Variants in KLHL13 observed in about 807,000 individuals in gnomAD.
KLHL13 encodes the protein kelch-like protein 13.
A neutral mutation model predicts 37.1 loss-of-function variants in KLHL13; 10 were observed. The observed-to-expected ratio is 0.27, with a 90% CI of 0.17 to 0.46. The LOEUF (loss-of-function observed/expected upper bound fraction) is 0.46. Among genes scored for constraint, KLHL13 ranks in the 20% least tolerant of loss-of-function variants. The pLI is 1.00. For missense variants in KLHL13, 360 were observed against 509.3 expected (o/e 0.71, Z 2.82); for synonymous variants, 163 against 181.2 (o/e 0.90, Z 0.81).
At chrX:118,094,685 T>A (rs1187250203) in intron 1 of KLHL13, among the ~76,000 whole-genome samples, 4 of 110,723 alleles carry the variant, frequency 3.6e-5, no homozygotes, top group Non-Finnish European at 7.6e-5. Context: ...GACTAACAGC[T>A]GATCTCTCAG....
chrX:117,988,841 A>C (rs2053756172), intron 1 of KLHL13, among the ~76,000 whole-genome samples: 1 of 111,963 alleles, frequency 8.9e-6, no homozygotes, highest in African/African-American at 3.2e-5. Flanking sequence ...TCTCATTAGT[A>C]ATTCAAACTA....
At chrX:117,964,922 A>AT (rs2053389926) in intron 1 of KLHL13, among the ~76,000 whole-genome samples, 1 of 111,451 alleles carries the variant, frequency 9.0e-6, no homozygotes, top group Non-Finnish European at 1.9e-5. Flanking sequence ...TGAACTCATC[A>AT]TTTTTTATGG....
At chrX:118,077,079 G>A (rs2054937523) in intron 1 of KLHL13, among the ~76,000 whole-genome samples, 1 of 110,820 alleles carries the variant, frequency 9.0e-6, no homozygotes, top group Non-Finnish European at 1.9e-5. Flanking sequence ...CTCTTGGCTT[G>A]GTGCTTTCTG....
At chrX:118,103,854 G>C (rs1016363152) in intron 1 of KLHL13, among the ~76,000 whole-genome samples, 1 of 107,495 alleles carries the variant, frequency 9.3e-6, no homozygotes, top group Non-Finnish European at 1.9e-5. Context: ...GTCAGTGGCC[G>C]AATTTTTTTT....
chrX:118,062,685 T>C (rs2054754601), intron 1 of KLHL13, among the ~76,000 whole-genome samples: 1 of 110,892 alleles, frequency 9.0e-6, no homozygotes, highest in Admixed American at 9.7e-5. Context: ...ATAATCATGG[T>C]ATTGATTTTG....
intron 1 of KLHL13, among the ~76,000 whole-genome samples, chrX:118,075,907 A>G (rs1024214816): frequency 8.9e-6 from 1 of 111,856 alleles, no homozygotes; most frequent in Admixed American, 9.5e-5. Flanking sequence ...TTTCTGTGTC[A>G]TAAGATATTT....
intron 1 of KLHL13, among the ~76,000 whole-genome samples, chrX:118,038,396 T>C (rs1437619666): frequency 8.9e-6 from 1 of 112,033 alleles, no homozygotes; most frequent in Admixed American, 9.4e-5. Context: ...AAAAAGGCCC[T>C]GAAGATTGTA....
chrX:117,945,863 G>A (rs1342720104), intron 1 of KLHL13: 3 of 193,584 alleles, frequency 1.5e-5, no homozygotes, highest in Non-Finnish European at 2.8e-5. Flanking sequence ...AATTACTGTT[G>A]ATATGTTACT....
chrX:118,003,850 C>T (rs986622135), intron 1 of KLHL13, among the ~76,000 whole-genome samples: 1 of 110,065 alleles, frequency 9.1e-6, no homozygotes, highest in African/African-American at 3.3e-5. Flanking sequence ...ATTAGTGGGA[C>T]CAAGCAAAGT....
At chrX:118,065,254 A>C (rs1256440923) in intron 1 of KLHL13, among the ~76,000 whole-genome samples, 1 of 111,647 alleles carries the variant, frequency 9.0e-6, no homozygotes, top group Non-Finnish European at 1.9e-5. Flanking sequence ...TATACAATGA[A>C]CTTTTTATAA....
At chrX:118,094,222 C>A (rs1272442417) in intron 1 of KLHL13, among the ~76,000 whole-genome samples, 1 of 111,000 alleles carries the variant, frequency 9.0e-6, no homozygotes, top group East Asian at 2.8e-4. Context: ...AAAACCACGG[C>A]ATGAGAAATA....
intron 1 of KLHL13, among the ~76,000 whole-genome samples, chrX:118,033,658 G>A (rs1209907875): frequency 1.4e-4 from 15 of 108,735 alleles, no homozygotes; most frequent in Non-Finnish European, 1.9e-4. Context: ...AAAGACCATC[G>A]AGACTAGGAA....
chrX:117,931,878 T>A (rs999443192), intron 2 of KLHL13, among the ~76,000 whole-genome samples: 1 of 111,179 alleles, frequency 9.0e-6, no homozygotes, highest in Non-Finnish European at 1.9e-5. Context: ...TTTTTTCAAG[T>A]ATCAATGAGG....
chrX:117,999,519 A>T (rs1309113160), intron 1 of KLHL13, among the ~76,000 whole-genome samples: 1 of 109,797 alleles, frequency 9.1e-6, no homozygotes, highest in East Asian at 2.9e-4. Context: ...CAGGAAGGGG[A>T]ACATCACACA....
chrX:118,041,077 C>T (rs960495712), intron 1 of KLHL13, among the ~76,000 whole-genome samples: 2 of 112,204 alleles, frequency 1.8e-5, no homozygotes, highest in African/African-American at 6.5e-5. Context: ...GGGAGTTCCT[C>T]AATCTGAAAG....
chrX:118,017,859 CTG>C (rs1442498158), intron 1 of KLHL13, among the ~76,000 whole-genome samples: 1 of 111,630 alleles, frequency 9.0e-6, no homozygotes, highest in Non-Finnish European at 1.9e-5. Context: ...ATATTTTATA[CTG>C]TGTTTCATCT....
chrX:117,952,354 G>C (rs1328337231), intron 1 of KLHL13, among the ~76,000 whole-genome samples: 1 of 110,085 alleles, frequency 9.1e-6, no homozygotes, highest in Non-Finnish European at 1.9e-5. Context: ...TAGCCATATG[G>C]AGAAAGCTGA....
At chrX:118,047,166 C>G (rs981213009) in intron 1 of KLHL13, among the ~76,000 whole-genome samples, 5 of 110,803 alleles carry the variant, frequency 4.5e-5, no homozygotes, top group African/African-American at 1.6e-4. Context: ...AGGTTATCCA[C>G]TATTTCACTT....
intron 1 of KLHL13, among the ~76,000 whole-genome samples, chrX:118,046,636 T>C (rs1195516568): frequency 2.7e-5 from 3 of 111,784 alleles, no homozygotes; most frequent in Non-Finnish European, 5.6e-5. Context: ...CATGTCTGTA[T>C]CTAAACAGCT....
Sources: allele counts gnomAD v4.1 joint callset (sites outside exome capture counted in the v4.1 genomes callset), GRCh38; gene constraint gnomAD v4.1.1; transcripts MANE v1.5; gene names NCBI Gene and HGNC (gene_info 2026-07-23, HGNC 2026-07-21).